CSMD1: variants seen among roughly 807,000 people sequenced by gnomAD.
CSMD1 encodes CUB and sushi domain-containing protein 1.
CSMD1 carries 213 observed loss-of-function variants against 417.5 expected under a neutral mutation model. The observed-to-expected ratio is 0.51, with a 90% CI of 0.46 to 0.57. The LOEUF (loss-of-function observed/expected upper bound fraction) is 0.57. CSMD1 is among the 20% of genes least tolerant of loss of function. The pLI is 0.00. For missense variants in CSMD1, 6,923 were observed against 4,529.7 expected, an observed-to-expected ratio of 1.53 and a Z score of -15.17; for synonymous variants, 2,862 against 1,736.8, an observed-to-expected ratio of 1.65 and a Z score of -16.11.
chr8:4,660,567 T>C (rs977168387), intron 1 of CSMD1, among the ~76,000 whole-genome samples: 2 of 152,048 alleles, frequency 1.3e-5, no homozygotes, highest in Admixed American at 6.6e-5. Flanking sequence ...ATACCTAAAA[T>C]AATTTTAAAA....
At chr8:3,769,301 G>C (rs533033885) in intron 5 of CSMD1, among the ~76,000 whole-genome samples, 11 of 152,102 alleles carry the variant, frequency 7.2e-5, no homozygotes, top group Middle Eastern at 3.4e-3. Flanking sequence ...GTGGTCTTTA[G>C]TTAAAATCAT....
chr8:4,451,538 T>A (rs775200980), intron 2 of CSMD1, among the ~76,000 whole-genome samples: 39 of 151,996 alleles, frequency 2.6e-4, no homozygotes, highest in Non-Finnish European at 5.3e-4. Context: ...AGACAGTGAC[T>A]CTGGAAAGGT....
chr8:4,440,336 T>C (rs562780280), intron 2 of CSMD1, among the ~76,000 whole-genome samples: 2 of 152,176 alleles, frequency 1.3e-5, no homozygotes, highest in East Asian at 1.9e-4. Context: ...CTGGGAAGCA[T>C]GTAAATAAAT....
intron 3 of CSMD1, among the ~76,000 whole-genome samples, chr8:4,061,122 G>A (rs1798949793): frequency 1.3e-5 from 2 of 152,108 alleles, no homozygotes; most frequent in Admixed American, 1.3e-4. Context: ...ATAAAGATGG[G>A]CTCCAGCAGG....
chr8:4,937,418 A>G (rs1807695475), intron 1 of CSMD1, among the ~76,000 whole-genome samples: 1 of 152,178 alleles, frequency 6.6e-6, no homozygotes, highest in Non-Finnish European at 1.5e-5. Flanking sequence ...AAGAATTCAT[A>G]TAAAAATAGT....
At chr8:4,278,533 G>A (rs986930782) in intron 3 of CSMD1, among the ~76,000 whole-genome samples, 2 of 152,098 alleles carry the variant, frequency 1.3e-5, no homozygotes, top group Non-Finnish European at 2.9e-5. Context: ...ATTAAAGTAA[G>A]GTACTAAAAT....
Position 4,146,223 on chromosome 8 carries a change from A to T in CSMD1, c.416-114124T>A, listed in dbSNP as rs191743294. On this transcript the variant is annotated intron_variant, in intron 3 of 69. Transcript: ENST00000635120. Reference sequence around the variant, plus strand: ...AGGGTGATATCGTTTGGAAACATGAACTTGGAGAAAACCTCTCCCAGGACC... The same window carrying T: ...AGGGTGATATCGTTTGGAAACATGATCTTGGAGAAAACCTCTCCCAGGACC... 2.7e-4 allele frequency among the ~76,000 whole-genome samples: 41 copies of T among 151,136 alleles called. No homozygotes were observed. The East Asian group carries it at 7.3e-3, about 27-fold the overall frequency.
chr8:4,321,318 T>C (rs1056328462), intron 3 of CSMD1, among the ~76,000 whole-genome samples: 1 of 152,106 alleles, frequency 6.6e-6, no homozygotes, highest in Non-Finnish European at 1.5e-5. Context: ...TATTGTTTCC[T>C]CCTGAAATGG....
intron 2 of CSMD1, among the ~76,000 whole-genome samples, chr8:4,488,413 T>G (rs992282825): frequency 2.6e-5 from 4 of 152,090 alleles, no homozygotes; most frequent in Non-Finnish European, 4.4e-5. Context: ...CTTGATCTCG[T>G]TGCCTCTGTT....
chr8:3,832,527 A>T (rs1429817802), intron 5 of CSMD1, among the ~76,000 whole-genome samples: 3 of 152,192 alleles, frequency 2.0e-5, no homozygotes, highest in African/African-American at 7.2e-5. Context: ...ATTTTAAACT[A>T]TTTTTGTCTT....
intron 5 of CSMD1, among the ~76,000 whole-genome samples, chr8:3,840,458 C>T (rs1370574057): frequency 6.6e-6 from 1 of 151,936 alleles, no homozygotes; most frequent in Non-Finnish European, 1.5e-5. Context: ...ACCTCTTGCC[C>T]TGAACATAAT....
chr8:4,044,034 A>C (rs1798024395), intron 3 of CSMD1, among the ~76,000 whole-genome samples: 2 of 139,274 alleles, frequency 1.4e-5, no homozygotes. Context: ...ATTAAAAAAA[A>C]ACGCTGAATA....
chr8:3,329,116 A>G (rs1159305983), intron 23 of CSMD1, among the ~76,000 whole-genome samples: 5 of 152,144 alleles, frequency 3.3e-5, no homozygotes, highest in African/African-American at 4.8e-5. Context: ...ATGTTGGCAT[A>G]GAATGGAGGT....
intron 7 of CSMD1, among the ~76,000 whole-genome samples, chr8:3,690,766 T>C (rs140498133): frequency 2.0e-5 from 3 of 152,364 alleles, no homozygotes; most frequent in Admixed American, 6.5e-5. Flanking sequence ...CTTACTTTTA[T>C]AAGATAAAGT....
intron 9 of CSMD1, among the ~76,000 whole-genome samples, chr8:3,584,502 A>G (rs1016597092): frequency 6.6e-6 from 1 of 151,794 alleles, no homozygotes; most frequent in Non-Finnish European, 1.5e-5. Flanking sequence ...TTCAGCCTGG[A>G]TGGAGCAGCT....
At chr8:4,223,309 G>A (rs1025461956) in intron 3 of CSMD1, among the ~76,000 whole-genome samples, 8 of 152,282 alleles carry the variant, frequency 5.3e-5, no homozygotes, top group African/African-American at 7.2e-5. Flanking sequence ...CTGCACACTC[G>A]TGGGGACTCT....
At chr8:4,903,337 G>T (rs1281450634) in intron 1 of CSMD1, among the ~76,000 whole-genome samples, 1 of 152,202 alleles carries the variant, frequency 6.6e-6, no homozygotes, top group East Asian at 1.9e-4. Flanking sequence ...TACCATCTTT[G>T]ATAAGTAGCT....
At chr8:4,982,678 T>C (rs1389470513) in intron 1 of CSMD1, among the ~76,000 whole-genome samples, 2 of 152,228 alleles carry the variant, frequency 1.3e-5, no homozygotes, top group Non-Finnish European at 2.9e-5. Context: ...TATGGACTCT[T>C]TTTAAAAGAC....
At chr8:4,758,552 T>C (rs1420013497) in intron 1 of CSMD1, among the ~76,000 whole-genome samples, 4 of 152,168 alleles carry the variant, frequency 2.6e-5, no homozygotes, top group Non-Finnish European at 4.4e-5. Context: ...AACGTCAGTG[T>C]ATTAGTCCAT....
Sources: gnomAD v4.1 joint callset for allele counts (sites outside exome capture counted in the v4.1 genomes callset) on GRCh38, gnomAD v4.1.1 for gene constraint, MANE v1.5 for transcripts, NCBI Gene and HGNC (gene_info 2026-07-23, HGNC 2026-07-21) for gene names.